ARHGAP15: variants seen among roughly 807,000 people sequenced by gnomAD.
ARHGAP15 encodes rho GTPase-activating protein 15.
ARHGAP15 carries 51 observed loss-of-function variants against 63.7 expected under a neutral mutation model. The observed-to-expected ratio is 0.80, with a 90% confidence interval of 0.64 to 1.01. ARHGAP15 has a LOEUF of 1.01. Among genes scored for constraint, ARHGAP15 ranks in the 50% least tolerant of loss-of-function variants. The probability of loss-of-function intolerance (pLI) is 0.00; values close to 1 mark genes in which losing one functional copy is unlikely to be tolerated. For missense variants in ARHGAP15, 560 were observed against 564.6 expected (o/e 0.99, Z 0.08); for synonymous variants, 191 against 193.8 (o/e 0.99, Z 0.12).
intron 6 of ARHGAP15, among the ~76,000 whole-genome samples, chr2:143,299,807 A>G (rs978715951): frequency 5.9e-5 from 9 of 152,066 alleles, no homozygotes; most frequent in Non-Finnish European, 1.3e-4. Context: ...TTGTTTTACC[A>G]TGAATTAAGA....
At chr2:143,628,277 C>T (rs770498486) in intron 12 of ARHGAP15, among the ~76,000 whole-genome samples, 18 of 152,080 alleles carry the variant, frequency 1.2e-4, no homozygotes, top group African/African-American at 2.2e-4. Flanking sequence ...AATAGTGTTG[C>T]GATGAACATG....
intron 6 of ARHGAP15, among the ~76,000 whole-genome samples, chr2:143,416,563 T>C (rs552332166): frequency 6.6e-6 from 1 of 152,298 alleles, no homozygotes; most frequent in South Asian, 2.1e-4. Context: ...GTCAATTTGC[T>C]TTGGTTTGTT....
intron 6 of ARHGAP15, among the ~76,000 whole-genome samples, chr2:143,339,196 A>AGTGTTGGG (rs1255949316): frequency 1.3e-5 from 2 of 152,120 alleles, no homozygotes; most frequent in East Asian, 3.9e-4. Flanking sequence ...ACTGTAGCGG[A>AGTGTTGGG]GTGTTGGGTA....
chr2:143,185,431 T>C (rs903961691), intron 2 of ARHGAP15, among the ~76,000 whole-genome samples: 3 of 152,230 alleles, frequency 2.0e-5, no homozygotes, highest in African/African-American at 7.2e-5. Context: ...TCTCTGATTG[T>C]GCTGGGACCA....
chr2:143,346,220 TCA>T (rs1553467292), intron 6 of ARHGAP15, among the ~76,000 whole-genome samples: 18 of 125,012 alleles, frequency 1.4e-4, no homozygotes, highest in East Asian at 4.3e-4. Flanking sequence ...ACACTCTCTC[TCA>T]CACACACTCT....
chr2:143,216,198 GA>G (rs1574103248), intron 3 of ARHGAP15, among the ~76,000 whole-genome samples, 185 bp from the exon 4 acceptor site: 1 of 152,268 alleles, frequency 6.6e-6, no homozygotes, highest in East Asian at 1.9e-4. Flanking sequence ...CTGTCTTTTA[GA>G]TATTTAACAG....
chr2:143,662,340 C>A (rs1260574237), intron 12 of ARHGAP15, among the ~76,000 whole-genome samples: 2 of 147,792 alleles, frequency 1.4e-5, no homozygotes, highest in South Asian at 2.3e-4. Flanking sequence ...TTCCAACAGA[C>A]CTGCAGCTGA....
intron 13 of ARHGAP15, among the ~76,000 whole-genome samples, chr2:143,727,353 G>A (rs187400711): frequency 3.9e-5 from 6 of 152,218 alleles, no homozygotes; most frequent in East Asian, 3.9e-4. Context: ...CTGCACTTTG[G>A]TACCTGATGG....
At chr2:143,451,120 G>C (rs1483164598) in intron 8 of ARHGAP15, among the ~76,000 whole-genome samples, 1 of 151,808 alleles carries the variant, frequency 6.6e-6, no homozygotes, top group Non-Finnish European at 1.5e-5. Flanking sequence ...TTCAAGATTA[G>C]TTAACGAAAA....
At chr2:143,625,350 A>C (rs1204210683) in intron 12 of ARHGAP15, among the ~76,000 whole-genome samples, 4 of 152,138 alleles carry the variant, frequency 2.6e-5, no homozygotes, top group Non-Finnish European at 4.4e-5. Flanking sequence ...GTCATTCACA[A>C]AGCCTTCACC....
chr2:143,391,861 A>T (rs1372262056), intron 6 of ARHGAP15, among the ~76,000 whole-genome samples: 1 of 152,200 alleles, frequency 6.6e-6, no homozygotes, highest in Non-Finnish European at 1.5e-5. Flanking sequence ...CACATTTCAA[A>T]AATGATTACT....
intron 6 of ARHGAP15, among the ~76,000 whole-genome samples, chr2:143,271,808 C>T (rs548763430): frequency 2.0e-4 from 30 of 152,296 alleles, no homozygotes; most frequent in African/African-American, 7.0e-4. Context: ...TTCAAATCTA[C>T]TTGAGTTCTA....
chr2:143,728,214 T>C (rs1003968359), intron 13 of ARHGAP15, among the ~76,000 whole-genome samples: 2 of 152,264 alleles, frequency 1.3e-5, no homozygotes, highest in African/African-American at 4.8e-5. Flanking sequence ...CTTGCTGTTT[T>C]ACCCTTCACG....
chr2:143,522,926 C>T (rs1350422278), intron 10 of ARHGAP15, among the ~76,000 whole-genome samples: 3 of 152,048 alleles, frequency 2.0e-5, no homozygotes, highest in Non-Finnish European at 2.9e-5. Context: ...CTTAAAAATG[C>T]GATCACCTGT....
intron 9 of ARHGAP15, among the ~76,000 whole-genome samples, chr2:143,507,211 A>G (rs1173588205): frequency 2.6e-5 from 4 of 152,060 alleles, no homozygotes; most frequent in Admixed American, 2.6e-4. Flanking sequence ...CTTCATTCTC[A>G]ATTAGTCCTA....
rs544851575 is a variant in ARHGAP15 at position 143,754,397 on chromosome 2, C to T, written c.1245-13592C>T. Among the ~76,000 whole-genome samples, 29 of 152,222 alleles carry T rather than the reference C, an allele frequency of 1.9e-4. No individual in the cohort carries two copies. In the South Asian group the frequency reaches 2.1e-3, roughly 11 times the overall value. ...GTTTTTCCCACCTCTGCAGGCTGGT[C>T]TTCATTCCCTTTTCATTTGCAGTCA... On this transcript the variant is annotated intron_variant, in intron 13 of 13. Coordinates refer to ENST00000295095, the MANE Select transcript of ARHGAP15 (RefSeq NM_018460.4).
chr2:143,655,288 C>T (rs1681379514), intron 12 of ARHGAP15, among the ~76,000 whole-genome samples: 1 of 152,036 alleles, frequency 6.6e-6, no homozygotes, highest in African/African-American at 2.4e-5. Flanking sequence ...CCCAAGTCCC[C>T]AAAGTCCATT....
rs186557991 is a variant in ARHGAP15 at position 143,526,888 on chromosome 2, A to G, written c.925+7524A>G. ...CATAATATGAACTGATTGATTAAAAATAATCAACTTTCACAACAGTGTCAC... is the reference window on the plus strand; with the variant it reads ...CATAATATGAACTGATTGATTAAAAGTAATCAACTTTCACAACAGTGTCAC... On this transcript the variant is annotated intron_variant, in intron 10 of 13. Coordinates refer to ENST00000295095, the MANE Select transcript of ARHGAP15 (RefSeq NM_018460.4). Among the ~76,000 whole-genome samples the G allele has an allele frequency of 4.6e-5, 7 of 152,296 alleles. No individual in the cohort carries two copies. In the East Asian group the frequency reaches 1.4e-3, roughly 29 times the overall value.
chr2:143,330,117 A>AAC (rs1558897838), intron 6 of ARHGAP15, among the ~76,000 whole-genome samples: 47 of 85,326 alleles, frequency 5.5e-4, no homozygotes, highest in African/African-American at 1.7e-3. Flanking sequence ...AAAAAAAAAA[A>AAC]AAAAAAAAAA....
Sources: allele counts gnomAD v4.1 joint callset (sites outside exome capture counted in the v4.1 genomes callset), GRCh38; gene constraint gnomAD v4.1.1; transcripts MANE v1.5; gene names NCBI Gene and HGNC (gene_info 2026-07-23, HGNC 2026-07-21).